Variants in NR3C2 observed in about 807,000 individuals in gnomAD.
NR3C2 encodes nuclear receptor subfamily 3 group C member 2, also known as mineralocorticoid receptor.
In NR3C2, 15 loss-of-function variants were observed where a neutral mutation model predicts 86.4. The observed-to-expected ratio is 0.17, with a 90% CI of 0.12 to 0.27. The LOEUF is 0.27. NR3C2 is among the 10% of genes least tolerant of loss of function. The pLI, the probability that NR3C2 is intolerant of heterozygous loss-of-function variation, is 1.00. For missense variants in NR3C2, 960 were observed against 1,195.6 expected (o/e 0.80, Z 2.91); for synonymous variants, 458 against 450.5 (o/e 1.02, Z -0.21).
intron 7 of NR3C2, among the ~76,000 whole-genome samples, chr4:148,119,933 G>A (rs927811673): frequency 1.3e-5 from 2 of 152,198 alleles, no homozygotes; most frequent in African/African-American, 4.8e-5. Flanking sequence ...GTGGTTGGAT[G>A]GATGAAGGAA....
intron 4 of NR3C2, among the ~76,000 whole-genome samples, chr4:148,155,214 C>A (rs1338714968): frequency 1.3e-5 from 2 of 152,192 alleles, no homozygotes; most frequent in Non-Finnish European, 2.9e-5. Flanking sequence ...CGGTCCTCAA[C>A]AAGTGTTCAG....
chr4:148,370,607 T>C (rs1561069167), intron 2 of NR3C2, among the ~76,000 whole-genome samples: 1 of 152,150 alleles, frequency 6.6e-6, no homozygotes, highest in East Asian at 1.9e-4. Context: ...ATCAGGAGTT[T>C]TGGTTGGAGT....
Position 148,435,723 on chromosome 4 carries a change from C to A in NR3C2, c.1138G>T (p.Val380Leu). 1 of 1,614,210 alleles carries A rather than the reference C, an allele frequency of 6.2e-7. No homozygotes were observed. The highest frequency in any genetic ancestry group is 8.5e-7 in the Non-Finnish European group (1 of 1,180,038). Residue 380 changes from valine to leucine, a missense_variant, in exon 2 of 9, where the codon GTA becomes TTA. By Grantham distance (32) the Val-to-Leu change is conservative (BLOSUM62 1). Around this residue, in one of 4 missense-constraint regions of NR3C2, gnomAD observed 680 missense variants for 719.0 expected, o/e 0.95. Coordinates refer to ENST00000358102, the MANE Select transcript of NR3C2 (RefSeq NM_000901.5). The stretch of plus-strand genomic sequence containing the variant: ...ACACCATTTGAGATGGCACTCTCTA[C>A]TTCCTCAGTCTTAGGAAAAGGGACC... Reference protein sequence around the residue: ...QEVPFPKTEEVESAISNGVTG... With the variant: ...QEVPFPKTEELESAISNGVTG...
rs143693632 is a variant in NR3C2 at position 148,232,234 on chromosome 4, C to T, written c.1897+27744G>A. On this transcript the variant is annotated intron_variant, in intron 3 of 8. Coordinates refer to ENST00000358102, the MANE Select transcript of NR3C2 (RefSeq NM_000901.5). ...GATCCATCAGAGGAATCACTATGCACGGCAGTGATTGCCTTATAAAATGTA... is the reference window on the plus strand; with the variant it reads ...GATCCATCAGAGGAATCACTATGCATGGCAGTGATTGCCTTATAAAATGTA... 2.6e-3 allele frequency among the ~76,000 whole-genome samples: 400 copies of T among 152,278 alleles called. 2 individuals are homozygous for T. Among genetic ancestry groups the T allele is most frequent in the African/African-American group, 9.0e-3 (372 of 41,542 alleles).
rs753813451 is a variant in NR3C2, at chr4:148,079,315, T to C, written c.*2029A>G. The C allele has an allele frequency of 1.3e-5, 2 of 152,216 alleles. No homozygotes were observed. Among genetic ancestry groups the C allele is most frequent in the Non-Finnish European group, 2.9e-5 (2 of 68,042 alleles). 9.4% of individuals were successfully genotyped at this position (152,216 alleles called of 1,614,324 possible). ...ATTAAATTCCTGAAATTGCAAATTATGTAAGAAAAACTCCTCCCTCTGAGT... is the reference window on the plus strand; with the variant it reads ...ATTAAATTCCTGAAATTGCAAATTACGTAAGAAAAACTCCTCCCTCTGAGT... On this transcript the variant is annotated 3_prime_UTR_variant, in exon 9 of 9. Transcript: ENST00000358102.
At chr4:148,137,759 C>G (rs1289803268) in intron 6 of NR3C2, among the ~76,000 whole-genome samples, 1 of 152,174 alleles carries the variant, frequency 6.6e-6, no homozygotes, top group African/African-American at 2.4e-5. Flanking sequence ...AACTAAGTAT[C>G]TGGGTGAGGC....
At chr4:148,175,032 T>C (rs1432428111) in intron 4 of NR3C2, among the ~76,000 whole-genome samples, 1 of 152,174 alleles carries the variant, frequency 6.6e-6, no homozygotes, top group Non-Finnish European at 1.5e-5. Flanking sequence ...TAAGGCTATG[T>C]TAGGGTTGGC....
At chr4:148,148,238 T>C (rs559329801) in intron 6 of NR3C2, among the ~76,000 whole-genome samples, 3 of 152,254 alleles carry the variant, frequency 2.0e-5, no homozygotes, top group African/African-American at 7.2e-5. Context: ...GGCTTGGAAG[T>C]CTTCCTAGAC....
intron 2 of NR3C2, among the ~76,000 whole-genome samples, chr4:148,364,783 T>C (rs1014433741): frequency 1.4e-4 from 21 of 151,684 alleles, no homozygotes; most frequent in Admixed American, 7.2e-4. Flanking sequence ...CTTATCCAAA[T>C]TGCTCGGGAC....
chr4:148,435,803 C>G lies in NR3C2; in HGVS notation c.1058G>C (p.Ser353Thr), dbSNP rs551283048. ...ACTGGGAACCACATCCCGCAATGTA[C>G]TGGATCCAGCAGAGGTGCCAGAAGC... ...YTASGTSAGS[S>T]TLRDVVPSPD... Residue 353 changes from serine (S) to threonine (T), a missense_variant, in exon 2 of 9, where the codon AGT becomes ACT. This residue lies in a region of NR3C2 where 680 missense variants were observed against 719.0 expected (regional missense o/e 0.95). Transcript: ENST00000358102. 1 of 1,614,188 alleles carries G rather than the reference C, an allele frequency of 6.2e-7. No individual in the cohort carries two copies. Among genetic ancestry groups the G allele is most frequent in the African/African-American group, 1.3e-5 (1 of 75,034 alleles).
chr4:148,325,156 G>C (rs1743897172), intron 2 of NR3C2, among the ~76,000 whole-genome samples: 1 of 69,052 alleles, frequency 1.4e-5, no homozygotes, highest in African/African-American at 1.1e-4. Flanking sequence ...GAGAGACAGA[G>C]TGTGTGTGTG....
At chr4:148,350,376 CT>C (rs1326995528) in intron 2 of NR3C2, among the ~76,000 whole-genome samples, 8 of 152,034 alleles carry the variant, frequency 5.3e-5, no homozygotes, top group Non-Finnish European at 1.2e-4. Context: ...ACATGTAAGA[CT>C]TTTGATTAAT....
At chr4:148,356,424 T>A (rs546513734) in intron 2 of NR3C2, among the ~76,000 whole-genome samples, 1 of 152,286 alleles carries the variant, frequency 6.6e-6, no homozygotes, top group Non-Finnish European at 1.5e-5. Flanking sequence ...AAGACAGACA[T>A]CTGTGAAATA....
intron 2 of NR3C2, among the ~76,000 whole-genome samples, chr4:148,358,751 G>T (rs895392163): frequency 6.6e-6 from 1 of 152,020 alleles, no homozygotes; most frequent in Non-Finnish European, 1.5e-5. Context: ...AGAAAAAAAG[G>T]CTTGCATTTT....
intron 7 of NR3C2, among the ~76,000 whole-genome samples, chr4:148,116,903 A>G (rs1425482123): frequency 6.6e-6 from 1 of 152,242 alleles, no homozygotes. Context: ...AGCACTTTAA[A>G]AAATGTTTCA....
At chr4:148,120,002 ATCAAAGG>A (rs1205990141) in intron 7 of NR3C2, among the ~76,000 whole-genome samples, 149 bp downstream of exon 7, 1 of 152,182 alleles carries the variant, frequency 6.6e-6, no homozygotes, top group Non-Finnish European at 1.5e-5. Context: ...AACTTAGTTC[ATCAAAGG>A]TCAAAGCCTT....
At chr4:148,111,233 T>G (rs1732032608) in intron 8 of NR3C2, among the ~76,000 whole-genome samples, 1 of 152,206 alleles carries the variant, frequency 6.6e-6, no homozygotes. Context: ...TGAAAAGATG[T>G]TCACCATCAT....
At chr4:148,240,502 A>G (rs899441410) in intron 3 of NR3C2, among the ~76,000 whole-genome samples, 1 of 152,082 alleles carries the variant, frequency 6.6e-6, no homozygotes, top group Non-Finnish European at 1.5e-5. Context: ...AAAAGCAGCC[A>G]GCCTAGATTA....
intron 2 of NR3C2, among the ~76,000 whole-genome samples, chr4:148,352,601 T>C (rs1745346494): frequency 6.6e-6 from 1 of 152,172 alleles, no homozygotes; most frequent in South Asian, 2.1e-4. Context: ...AGATGAGACA[T>C]CATGTACATT....
Sources: allele counts gnomAD v4.1 joint callset (sites outside exome capture counted in the v4.1 genomes callset), GRCh38; gene constraint gnomAD v4.1.1; regional missense constraint gnomAD v4.1.1; transcripts MANE v1.5; gene names NCBI Gene and HGNC (gene_info 2026-07-23, HGNC 2026-07-21).